IQGAP1: variants seen among roughly 807,000 people sequenced by gnomAD.
IQGAP1 encodes the protein IQ motif containing GTPase activating protein 1.
IQGAP1 carries 66 observed loss-of-function variants against 215.6 expected under a neutral mutation model. That is an observed-to-expected ratio of 0.31 (90% CI 0.25 to 0.38). IQGAP1 has a LOEUF of 0.38. Ranked by LOEUF, IQGAP1 falls within the 10% of genes least tolerant of loss-of-function variation. The pLI is 1.00. For missense variants in IQGAP1, 1,712 were observed against 1,997.1 expected (o/e 0.86, Z 2.72); for synonymous variants, 772 against 728.7 (o/e 1.06, Z -0.96).
At chr15:90,465,591 C>A (rs1471151183) in intron 15 of IQGAP1, among the ~76,000 whole-genome samples, 1 of 152,174 alleles carries the variant, frequency 6.6e-6, no homozygotes, top group African/African-American at 2.4e-5. Flanking sequence ...TGCAGCCTAA[C>A]CTCCTGGGCT....
At chr15:90,495,938 T>C (rs1446011670) in intron 36 of IQGAP1, among the ~76,000 whole-genome samples, 1 of 149,540 alleles carries the variant, frequency 6.7e-6, no homozygotes, top group Non-Finnish European at 1.5e-5. Context: ...ATTATTATTA[T>C]TATTATTATT....
chr15:90,399,112 C>T (rs1240197155), intron 2 of IQGAP1, among the ~76,000 whole-genome samples: 2 of 151,568 alleles, frequency 1.3e-5, no homozygotes. Flanking sequence ...CACTTCACCT[C>T]ACCTAACTAA....
At chr15:90,419,276 A>T (rs975439982) in intron 2 of IQGAP1, among the ~76,000 whole-genome samples, 1 of 152,162 alleles carries the variant, frequency 6.6e-6, no homozygotes, top group Non-Finnish European at 1.5e-5. Flanking sequence ...TTACAATAAT[A>T]CTTCAGAGGT....
intron 4 of IQGAP1, among the ~76,000 whole-genome samples, chr15:90,432,387 C>T (rs1301118839): frequency 2.0e-5 from 3 of 152,260 alleles, no homozygotes; most frequent in African/African-American, 7.2e-5. Context: ...CATACCTCCC[C>T]AGCTCCCATC....
intron 15 of IQGAP1, among the ~76,000 whole-genome samples, chr15:90,459,038 A>T (rs1306390628): frequency 1.3e-5 from 2 of 152,198 alleles, no homozygotes; most frequent in Non-Finnish European, 2.9e-5. Context: ...AAGCTCCAAT[A>T]CACTAAAGCC....
chr15:90,422,240 C>T (rs1965146980), intron 2 of IQGAP1, among the ~76,000 whole-genome samples: 1 of 152,254 alleles, frequency 6.6e-6, no homozygotes. Context: ...TTGCCACTAG[C>T]TATTGGATGA....
intron 23 of IQGAP1, among the ~76,000 whole-genome samples, chr15:90,475,195 C>T (rs368434711): frequency 2.9e-4 from 44 of 152,186 alleles, no homozygotes; most frequent in African/African-American, 9.4e-4. Flanking sequence ...GATGGCGTTT[C>T]GCCATGTTGA....
rs200755958 is a variant in IQGAP1, at chr15:90,473,649, G to GT, written c.2350-57dup. On this transcript the variant is annotated intron_variant, in intron 19 of 37. Transcript: ENST00000268182. ...ACTTGGATCATGTATCAAGATGAAA[G>GT]TTTTTTTTTAACTTCCATTGATGCT... The GT allele has an allele frequency of 2.1e-3, 2,447 of 1,189,944 alleles. 8 individuals are homozygous for GT. Among genetic ancestry groups the GT allele is most frequent in the African/African-American group, 0.019 (1,231 of 65,418 alleles). The allele number at this position is 1,189,944 out of a possible 1,614,324, so 73.7% of individuals were successfully genotyped here. A position where few individuals can be genotyped will look rare whatever the true frequency, so the allele number is the denominator to read the frequency against.
At chr15:90,465,671 A>ATGTT (rs36085795) in intron 15 of IQGAP1, among the ~76,000 whole-genome samples, 5,304 of 89,146 alleles carry the variant, frequency 0.059, 119 homozygotes, top group Non-Finnish European at 0.08. Context: ...TGGCCAAGCT[A>ATGTT]TGTTTGTTTG....
Position 90,477,198 on chromosome 15 carries a change from G to A in IQGAP1, c.3072G>A (p.Arg1024=), listed in dbSNP as rs1965991370. Reference sequence around the variant, plus strand: ...AGCGAGAGGAGTACCTGCTCCTGCGGCTCTTTAAGACAGCACTCCAAGAGG... The same window carrying A: ...AGCGAGAGGAGTACCTGCTCCTGCGACTCTTTAAGACAGCACTCCAAGAGG... ...SNQREEYLLL[R]LFKTALQEEI... The change falls in exon 25 of 38, where the codon CGG becomes CGA. Residue 1024 remains arginine (R), a synonymous_variant. Coordinates refer to ENST00000268182, the MANE Select transcript of IQGAP1 (RefSeq NM_003870.4). 1.2e-6 allele frequency: 2 copies of A among 1,614,028 alleles called. No homozygotes were observed. Among genetic ancestry groups the A allele is most frequent in the Non-Finnish European group, 8.5e-7 (1 of 1,179,984 alleles).
At chr15:90,463,443 C>G (rs1965789512) in intron 15 of IQGAP1, among the ~76,000 whole-genome samples, 1 of 152,200 alleles carries the variant, frequency 6.6e-6, no homozygotes, top group African/African-American at 2.4e-5. Context: ...TCTGCTGCTT[C>G]TCTTGGAGAC....
intron 15 of IQGAP1, among the ~76,000 whole-genome samples, chr15:90,460,480 T>A (rs1372594278): frequency 6.6e-6 from 1 of 152,234 alleles, no homozygotes; most frequent in Non-Finnish European, 1.5e-5. Flanking sequence ...TTGCAGTGGA[T>A]GAGCTCTTGG....
intron 15 of IQGAP1, among the ~76,000 whole-genome samples, chr15:90,464,044 G>A (rs1024031344): frequency 6.6e-6 from 1 of 152,164 alleles, no homozygotes; most frequent in African/African-American, 2.4e-5. Flanking sequence ...GCCTCATTTA[G>A]GCACATAGTT....
At chr15:90,390,429 C>CAT (rs1442944320) in intron 1 of IQGAP1, among the ~76,000 whole-genome samples, 2 of 152,148 alleles carry the variant, frequency 1.3e-5, no homozygotes, top group Non-Finnish European at 1.5e-5. Flanking sequence ...TGGCTTTGGT[C>CAT]ATTAATAAAA....
At chr15:90,406,328 G>C (rs1567115576) in intron 2 of IQGAP1, among the ~76,000 whole-genome samples, 2 of 152,190 alleles carry the variant, frequency 1.3e-5, no homozygotes, top group South Asian at 4.1e-4. Flanking sequence ...ACACACGCCT[G>C]GCAATTTTTT....
At chr15:90,469,818 A>G (rs1965881429) in intron 18 of IQGAP1, among the ~76,000 whole-genome samples, 1 of 151,770 alleles carries the variant, frequency 6.6e-6, no homozygotes, top group Admixed American at 6.5e-5. Context: ...AGGAAGTAGG[A>G]GAGAAAATAG....
At chr15:90,404,798 C>T (rs1326044296) in intron 2 of IQGAP1, among the ~76,000 whole-genome samples, 1 of 152,080 alleles carries the variant, frequency 6.6e-6, no homozygotes, top group African/African-American at 2.4e-5. Flanking sequence ...CCAGGCTGGT[C>T]TTGAACTCCT....
intron 9 of IQGAP1, among the ~76,000 whole-genome samples, chr15:90,447,231 G>A (rs1206657462): frequency 6.6e-6 from 1 of 152,198 alleles, no homozygotes; most frequent in Non-Finnish European, 1.5e-5. Flanking sequence ...ACCTTGGTAT[G>A]GTGCTCAGTT....
At position 90,500,354 on chromosome 15, in the gene IQGAP1, T is replaced by G. The variant is rs1165839371; in HGVS notation, c.*246T>G. ...GGTTTCTTCATTTTCTTCCATTACTTAGGAAAGAGTGGAAACTCCACTAAA... is the reference window on the plus strand; with the variant it reads ...GGTTTCTTCATTTTCTTCCATTACTGAGGAAAGAGTGGAAACTCCACTAAA... On this transcript the variant is annotated 3_prime_UTR_variant, in exon 38 of 38. Coordinates refer to ENST00000268182, the MANE Select transcript of IQGAP1 (RefSeq NM_003870.4). 5 of 388,958 alleles carry G rather than the reference T, an allele frequency of 1.3e-5. No homozygotes were observed. The highest frequency in any genetic ancestry group is 2.4e-5 in the Non-Finnish European group (5 of 209,554). The allele number at this position is 388,958 out of a possible 1,614,324, so 24.1% of individuals were successfully genotyped here.
Sources: gnomAD v4.1 joint callset for allele counts (sites outside exome capture counted in the v4.1 genomes callset) on GRCh38, gnomAD v4.1.1 for gene constraint, MANE v1.5 for transcripts, NCBI Gene and HGNC (gene_info 2026-07-23, HGNC 2026-07-21) for gene names.